The following CFAP69 variants were observed in gnomAD, a reference collection of about 807,000 sequenced individuals.
CFAP69 encodes cilia and flagella associated protein 69, also known as cilia- and flagella-associated protein 69.
Under a neutral mutation model 123.0 loss-of-function variants are expected in CFAP69, and 92 were observed. The observed-to-expected ratio is 0.75, with a 90% CI of 0.63 to 0.89. The LOEUF is 0.89. CFAP69 is among the 40% of genes least tolerant of loss of function. The probability of loss-of-function intolerance (pLI) is 0.00; values close to 1 mark genes in which losing one functional copy is unlikely to be tolerated. For synonymous variants in CFAP69, 380 were observed against 364.3 expected, an observed-to-expected ratio of 1.04 and a Z score of -0.49; for missense variants, 1,067 against 1,096.9, an observed-to-expected ratio of 0.97 and a Z score of 0.39.
chr7:90,282,778 C>A, intron 12 of CFAP69, 114 bp from the exon 13 acceptor site: 1 of 851,618 alleles, frequency 1.2e-6, no homozygotes, highest in East Asian at 3.3e-5. Flanking sequence ...AAAACTAAAG[C>A]AAATATGACA....
intron 11 of CFAP69, 87 bp downstream of exon 11, chr7:90,277,421 A>G (rs1299725750): frequency 2.7e-6 from 3 of 1,121,836 alleles, no homozygotes; most frequent in African/African-American, 3.2e-5. Context: ...TAAATATTTT[A>G]TCGGTTCATA....
At chr7:90,319,535 A>G in the CFAP69 span, 1 of 398,606 alleles carries the variant, frequency 2.5e-6, no homozygotes, top group Non-Finnish European at 4.4e-6. Flanking sequence ...ATGAAATTCC[A>G]AAAAGCATCC....
rs145735048 is a variant in CFAP69, at chr7:90,290,569, A to G, written c.1775+2217A>G. 1.4e-3 allele frequency among the ~76,000 whole-genome samples: 214 copies of G among 152,242 alleles called. No homozygotes were observed. The East Asian group carries it at 0.022, about 16-fold the overall frequency. On this transcript the variant is annotated intron_variant, in intron 15 of 22. Transcript: ENST00000389297. ...ACACCTTCACAGACACACCCAGAAT[A>G]ATGTTTGCCCAAATCTCTGGCCACC...
chr7:90,258,534 T>A (rs1387480408), intron 3 of CFAP69, among the ~76,000 whole-genome samples: 2 of 152,090 alleles, frequency 1.3e-5, no homozygotes, highest in Non-Finnish European at 2.9e-5. Context: ...CCTTCCTCCC[T>A]CTTTCCTTTA....
intron 3 of CFAP69, 89 bp downstream of exon 3, chr7:90,258,252 G>T (rs1408718994): frequency 3.3e-6 from 3 of 910,574 alleles, no homozygotes; most frequent in Non-Finnish European, 3.3e-6. Flanking sequence ...CATTGCTGTT[G>T]TAACAAATTA....
At chr7:90,296,057 C>T (rs995070851) in intron 15 of CFAP69, among the ~76,000 whole-genome samples, 6 of 152,102 alleles carry the variant, frequency 3.9e-5, no homozygotes, top group Admixed American at 2.0e-4. Flanking sequence ...CCGTTGACTT[C>T]GAGCGCCTTA....
chr7:90,286,442 C>T (rs369952326), intron 14 of CFAP69, 43 bp downstream of exon 14: 5 of 1,581,608 alleles, frequency 3.2e-6, no homozygotes, highest in Non-Finnish European at 3.4e-6. Context: ...TCCCAGTCAC[C>T]TAACACTATA....
the CFAP69 span, chr7:90,321,156 C>G: frequency 2.6e-5 from 4 of 152,422 alleles, no homozygotes; most frequent in South Asian, 8.3e-4. Context: ...CTGTGTCACC[C>G]ACCCCGAGCG....
At chr7:90,279,519 G>GAT (rs1554364558) in intron 11 of CFAP69, among the ~76,000 whole-genome samples, 158 bp from the exon 12 acceptor site, 4 of 147,268 alleles carry the variant, frequency 2.7e-5, no homozygotes, top group South Asian at 2.1e-4. Context: ...AATTTTTGGT[G>GAT]TTTTTTTTTT....
chr7:90,305,367 A>G (rs1793419024), intron 19 of CFAP69, among the ~76,000 whole-genome samples: 1 of 142,670 alleles, frequency 7.0e-6, no homozygotes, highest in African/African-American at 2.6e-5. Context: ...CTGATATAAA[A>G]CTGTTCAGAA....
intron 1 of CFAP69, among the ~76,000 whole-genome samples, chr7:90,248,382 A>ACTT (rs1796574451): frequency 6.6e-6 from 1 of 152,180 alleles, no homozygotes; most frequent in Non-Finnish European, 1.5e-5. Flanking sequence ...TGTATGCTTT[A>ACTT]CTTCTGCATT....
chr7:90,271,623 A>G lies in CFAP69; in HGVS notation c.630A>G (p.Gln210=), dbSNP rs761151815. 6.2e-7 allele frequency: 1 copy of G among 1,613,724 alleles called. No individual in the cohort carries two copies. The highest frequency in any genetic ancestry group is 8.5e-7 in the Non-Finnish European group (1 of 1,179,700). The change falls in exon 7 of 23, where the codon CAA becomes CAG. Residue 210 remains glutamine (Q), a synonymous_variant. Coordinates refer to ENST00000389297, the MANE Select transcript of CFAP69 (RefSeq NM_001039706.3). ...MVQSMTLLEN[Q]LVEKLWVLKV... is the part of the protein sequence containing the mutation. ...AGTCAATGACCTTGCTTGAAAATCA[A>G]CTTGTTGAGAAACTTTGGGTACTTA...
intron 1 of CFAP69, among the ~76,000 whole-genome samples, chr7:90,252,460 G>A (rs532222177): frequency 1.3e-5 from 2 of 152,158 alleles, no homozygotes; most frequent in East Asian, 3.9e-4. Context: ...TTGAGCCCAG[G>A]CATTCCAGAA....
Position 90,279,868 on chromosome 7 carries a change from A to G in CFAP69, c.1347A>G (p.Ala449=). ...MSCQGNARVL[A]FLEWCESEDP... ...GCCAGGGAAATGCTCGAGTCCTTGC[A>G]TTTCTAGAATGGTGTGAGAGTGAAG... The change falls in exon 12 of 23, where the codon GCA becomes GCG. Residue 449 remains alanine (A), a synonymous_variant. Transcript: ENST00000389297. 1 of 1,606,266 alleles carries G rather than the reference A, an allele frequency of 6.2e-7. No individual in the cohort carries two copies. Among genetic ancestry groups the G allele is most frequent in the Middle Eastern group, 1.7e-4 (1 of 6,026 alleles).
At position 90,300,303 on chromosome 7, in the gene CFAP69, A is replaced by T. The variant is rs548818175; in HGVS notation, c.2050+244A>T. On this transcript the variant is annotated intron_variant, in intron 17 of 22. Coordinates refer to ENST00000389297, the MANE Select transcript of CFAP69 (RefSeq NM_001039706.3). ...TATTTAATTATATTCTTTTAACTAA[A>T]AAAAAAATTAAAGTAGTTCCTAAAG... 619 of 924,588 alleles carry T rather than the reference A, an allele frequency of 6.7e-4. 5 individuals are homozygous for T. The African/African-American group carries it at 1.0e-2, about 15-fold the overall frequency. The allele number at this position is 924,588 out of a possible 1,614,324, so 57.3% of individuals were successfully genotyped here.
intron 17 of CFAP69, chr7:90,300,450 T>C: frequency 2.4e-6 from 2 of 818,042 alleles, no homozygotes; most frequent in Non-Finnish European, 3.0e-6. Flanking sequence ...TTCCTTTTTC[T>C]AAATCCATTA....
downstream of CFAP69, among the ~76,000 whole-genome samples, chr7:90,311,638 C>T (rs953122764): frequency 5.3e-5 from 8 of 152,174 alleles, no homozygotes; most frequent in African/African-American, 1.9e-4. Flanking sequence ...CCCCAACTCA[C>T]ATTCCTCTAG....
chr7:90,247,860 A>G (rs1796521280), intron 1 of CFAP69, among the ~76,000 whole-genome samples: 2 of 152,232 alleles, frequency 1.3e-5, no homozygotes, highest in Admixed American at 6.5e-5. Flanking sequence ...ACAAAACAAA[A>G]CAAAACAAAA....
intron 6 of CFAP69, 32 bp from the exon 7 acceptor site, chr7:90,271,494 A>G: frequency 6.4e-7 from 1 of 1,573,936 alleles, no homozygotes; most frequent in Non-Finnish European, 8.6e-7. Flanking sequence ...CTGTGAGATA[A>G]CTGTATGTAT....
Sources: gnomAD v4.1 joint callset for allele counts (sites outside exome capture counted in the v4.1 genomes callset) on GRCh38, gnomAD v4.1.1 for gene constraint, MANE v1.5 for transcripts, NCBI Gene and HGNC (gene_info 2026-07-23, HGNC 2026-07-21) for gene names.